Variants in SLCO3A1 observed in about 807,000 individuals in gnomAD.
SLCO3A1 encodes the protein PGE1 transporter.
Under a neutral mutation model 63.1 loss-of-function variants are expected in SLCO3A1, and 27 were observed. The observed-to-expected ratio is 0.43, with a 90% confidence interval of 0.32 to 0.59. The LOEUF (loss-of-function observed/expected upper bound fraction) is 0.59, where lower values mean the gene tolerates loss of function less well. Among genes scored for constraint, SLCO3A1 ranks in the 20% least tolerant of loss-of-function variants. The pLI is 0.09. For missense variants in SLCO3A1, 773 were observed against 945.8 expected, an observed-to-expected ratio of 0.82 and a Z score of 2.40; for synonymous variants, 473 against 409.9, an observed-to-expected ratio of 1.15 and a Z score of -1.86.
chr15:92,120,647 C>A lies in SLCO3A1; in HGVS notation c.1174+18C>A, dbSNP rs761740276. 1.6e-5 allele frequency: 26 copies of A among 1,609,586 alleles called. No homozygotes were observed. In the African/African-American group the frequency reaches 2.8e-4, roughly 17 times the overall value. Reference sequence around the variant, plus strand: ...GCTGCTTGGTGAGTGTGTCCTCAGGCCTCCTGAGAGGGTCGGGGGAGGGTG... The same window carrying A: ...GCTGCTTGGTGAGTGTGTCCTCAGGACTCCTGAGAGGGTCGGGGGAGGGTG... On this transcript the variant is annotated intron_variant, in intron 5 of 9. Coordinates refer to ENST00000318445, the MANE Select transcript of SLCO3A1 (RefSeq NM_013272.4).
chr15:92,047,067 A>ATG (rs1201043953), intron 2 of SLCO3A1, among the ~76,000 whole-genome samples: 1 of 37,534 alleles, frequency 2.7e-5, no homozygotes, highest in African/African-American at 1.1e-4. Flanking sequence ...ATAAATATAT[A>ATG]TACAAATATA....
In SLCO3A1 at chr15:92,033,425, G is replaced by T. The variant is rs997243640; in HGVS notation, c.647-61456G>T. Reference sequence around the variant, plus strand: ...TTCCCCTTAGTGGAGAAGTAACGATGTTCACGCTTGGGCAGCTGGATGGAC... The same window carrying T: ...TTCCCCTTAGTGGAGAAGTAACGATTTTCACGCTTGGGCAGCTGGATGGAC... On this transcript the variant is annotated intron_variant, in intron 2 of 9. Transcript: ENST00000318445. This position sits in a 1 kb window ranked among gnomAD's most constrained non-coding sequence, Gnocchi z 4.5. Among the ~76,000 whole-genome samples the T allele has an allele frequency of 3.3e-5, 5 of 152,182 alleles. No individual in the cohort carries two copies. Among genetic ancestry groups the T allele is most frequent in the African/African-American group, 1.2e-4 (5 of 41,436 alleles).
intron 2 of SLCO3A1, among the ~76,000 whole-genome samples, chr15:92,084,740 A>G (rs2047385669): frequency 6.6e-6 from 1 of 152,218 alleles, no homozygotes. Flanking sequence ...ACCCAGCCCC[A>G]CAGGCTGTTC....
chr15:92,004,737 G>C (rs2046294822), intron 2 of SLCO3A1, among the ~76,000 whole-genome samples: 1 of 152,218 alleles, frequency 6.6e-6, no homozygotes, highest in Admixed American at 6.5e-5. Flanking sequence ...GCAATAGTTG[G>C]AGCTTCTCCC....
intron 2 of SLCO3A1, among the ~76,000 whole-genome samples, chr15:92,031,361 A>G (rs537015913): frequency 6.6e-6 from 1 of 152,364 alleles, no homozygotes; most frequent in Non-Finnish European, 1.5e-5. Flanking sequence ...TATCCAGTGC[A>G]CAGCAGGAAT....
At chr15:91,902,336 C>T (rs1200843337) in intron 1 of SLCO3A1, among the ~76,000 whole-genome samples, 1 of 152,000 alleles carries the variant, frequency 6.6e-6, no homozygotes, top group African/African-American at 2.4e-5. Context: ...AGCTAGGGCT[C>T]TCTCCAGTGT....
rs1431187907 is a variant in SLCO3A1, at chr15:91,863,096, T to C, written c.180+9008T>C. Among the ~76,000 whole-genome samples, 1 of 152,328 alleles carries C rather than the reference T, an allele frequency of 6.6e-6. No individual in the cohort carries two copies. The highest frequency in any genetic ancestry group is 1.5e-5 in the Non-Finnish European group (1 of 68,024). On this transcript the variant is annotated intron_variant, in intron 1 of 9. Transcript: ENST00000318445. This position sits in a 1 kb window ranked among gnomAD's most constrained non-coding sequence, Gnocchi z 4.3. ...CTGCTAAGAATTCCCTTAATGAAGATGAAAATTTCTAAGCAGCATGGACCC... is the reference window on the plus strand; with the variant it reads ...CTGCTAAGAATTCCCTTAATGAAGACGAAAATTTCTAAGCAGCATGGACCC...
intron 2 of SLCO3A1, among the ~76,000 whole-genome samples, chr15:91,936,109 C>A (rs958647306): frequency 2.0e-5 from 3 of 152,130 alleles, no homozygotes; most frequent in Non-Finnish European, 2.9e-5. Flanking sequence ...CTCCCAGATA[C>A]AACGGGAATG....
intron 2 of SLCO3A1, among the ~76,000 whole-genome samples, chr15:92,007,481 G>A (rs907775693): frequency 1.3e-5 from 2 of 152,204 alleles, no homozygotes; most frequent in Non-Finnish European, 2.9e-5. Context: ...TTTTGGGGGA[G>A]AACAGAGGAA....
intron 1 of SLCO3A1, among the ~76,000 whole-genome samples, chr15:91,910,576 A>G (rs1026472148): frequency 2.0e-5 from 3 of 152,224 alleles, no homozygotes; most frequent in Non-Finnish European, 4.4e-5. Flanking sequence ...CGCAGAAGCA[A>G]GTATTGTTCT....
In SLCO3A1 at chr15:91,880,170, CATCT is replaced by C. The variant is rs57860021; in HGVS notation, c.180+26106_180+26109del. Among the ~76,000 whole-genome samples the C allele has an allele frequency of 6.7e-3, 838 of 125,986 alleles. 6 individuals carry two copies. The highest frequency in any genetic ancestry group is 0.013 in the African/African-American group (408 of 31,598). The allele number at this position is 125,986 out of a possible 152,430, so 82.7% of individuals were successfully genotyped here. ...CCATCCATCCATCCATCCATCCATC[CATCT>C]ATCTATCTATCTATCTATCTATCAT... On this transcript the variant is annotated intron_variant, in intron 1 of 9. Transcript: ENST00000318445.
At chr15:91,952,601 C>T (rs960265255) in intron 2 of SLCO3A1, among the ~76,000 whole-genome samples, 4 of 152,164 alleles carry the variant, frequency 2.6e-5, no homozygotes, top group African/African-American at 9.7e-5. Context: ...GCTAAAGCAC[C>T]TTGTATCTGG....
chr15:91,980,226 G>A (rs937594564), intron 2 of SLCO3A1, among the ~76,000 whole-genome samples: 11 of 151,990 alleles, frequency 7.2e-5, no homozygotes, highest in African/African-American at 1.9e-4. Context: ...TCGCTGCCCC[G>A]GTGGAGCTGC....
rs147566442 is a variant in SLCO3A1, at chr15:91,918,819, C to T, written c.646+2361C>T. On this transcript the variant is annotated intron_variant, in intron 2 of 9. Transcript: ENST00000318445. ...AACTCCCTGAAGAGGAGGAAAGTCT[C>T]AAGGGACTGATGCTGGGACTGTAGG... Among the ~76,000 whole-genome samples, 307 of 152,298 alleles carry T rather than the reference C, an allele frequency of 2.0e-3. 1 individual carries two copies. The highest frequency in any genetic ancestry group is 2.8e-3 in the Non-Finnish European group (188 of 68,038).
intron 2 of SLCO3A1, among the ~76,000 whole-genome samples, chr15:92,006,066 G>A (rs758583483): frequency 9.9e-5 from 15 of 152,076 alleles, no homozygotes; most frequent in African/African-American, 3.1e-4. Context: ...TTGCTCTGTC[G>A]TCTCATGCTT....
At chr15:91,964,387 C>G (rs16946157) in intron 2 of SLCO3A1, among the ~76,000 whole-genome samples, 63,199 of 151,342 alleles carry the variant, frequency 0.42, 13,287 homozygotes, top group African/African-American at 0.45. Context: ...TGTATTTGTT[C>G]GACTGACAGC....
At chr15:92,034,929 C>A (rs1281369513) in intron 2 of SLCO3A1, among the ~76,000 whole-genome samples, 1 of 151,982 alleles carries the variant, frequency 6.6e-6, no homozygotes, top group Non-Finnish European at 1.5e-5. Context: ...TCTACGTCTA[C>A]CCCCTCATTT....
chr15:92,026,106 G>A (rs766441723), intron 2 of SLCO3A1, among the ~76,000 whole-genome samples: 5 of 152,132 alleles, frequency 3.3e-5, no homozygotes, highest in Admixed American at 1.3e-4. Flanking sequence ...GTCCAAGCCC[G>A]TGTCCATGCC....
chr15:91,903,712 C>A (rs537165361), intron 1 of SLCO3A1, among the ~76,000 whole-genome samples: 1 of 152,188 alleles, frequency 6.6e-6, no homozygotes, highest in Non-Finnish European at 1.5e-5. Flanking sequence ...TTAGCCACCA[C>A]GTGTCCAGCT....
Sources: gnomAD v4.1 joint callset for allele counts (sites outside exome capture counted in the v4.1 genomes callset) on GRCh38, gnomAD v4.1.1 for gene constraint, Gnocchi (gnomAD v3.1) non-coding constraint, MANE v1.5 for transcripts, NCBI Gene and HGNC (gene_info 2026-07-23, HGNC 2026-07-21) for gene names.